Variants in EPS15 observed in about 807,000 individuals in gnomAD.
EPS15 encodes the protein epidermal growth factor receptor substrate 15.
In EPS15, 72 loss-of-function variants were observed where a neutral mutation model predicts 113.8. The ratio of observed to expected loss-of-function variants is 0.63; its 90% CI spans 0.52 to 0.77. The LOEUF (loss-of-function observed/expected upper bound fraction) is 0.77, where lower values mean the gene tolerates loss of function less well. Among genes scored for constraint, EPS15 ranks in the 30% least tolerant of loss-of-function variants. EPS15 has a pLI of 0.00. For synonymous variants in EPS15, 344 were observed against 363.4 expected (o/e 0.95, Z 0.61); for missense variants, 1,048 against 1,045.8 (o/e 1.00, Z -0.03).
Position 51,519,247 on chromosome 1 carries a change from C to T in EPS15, c.-16G>A, listed in dbSNP as rs1644797696. ...CCGCAGCCATGGTGTTTCCATCATG[C>T]AAGGGAGGGGAAGGAAGACGGGCTG... is the stretch of plus-strand genomic sequence containing the variant. On this transcript the variant is annotated 5_prime_UTR_variant, in exon 1 of 25. Transcript: ENST00000371733. The T allele has an allele frequency of 8.0e-7, 1 of 1,249,778 alleles. No homozygotes were observed. The highest frequency in any genetic ancestry group is 1.0e-6 in the Non-Finnish European group (1 of 974,932). 77.4% of individuals were successfully genotyped at this position (1,249,778 alleles called of 1,614,324 possible). A position where few individuals can be genotyped will look rare whatever the true frequency, so the allele number is the denominator to read the frequency against.
chr1:51,365,567 G>C (rs1258151772), intron 22 of EPS15, among the ~76,000 whole-genome samples: 1 of 152,096 alleles, frequency 6.6e-6, no homozygotes, highest in Non-Finnish European at 1.5e-5. Flanking sequence ...AACAACCTCA[G>C]AACATAAAAT....
intron 21 of EPS15, among the ~76,000 whole-genome samples, chr1:51,385,248 T>C (rs1463302501): frequency 6.6e-6 from 1 of 152,116 alleles, no homozygotes; most frequent in Admixed American, 6.5e-5. Flanking sequence ...GATTTAGAAA[T>C]GGGCAGAGGA....
At chr1:51,400,538 TA>T (rs1444950986) in intron 19 of EPS15, among the ~76,000 whole-genome samples, 1 of 147,124 alleles carries the variant, frequency 6.8e-6, no homozygotes. Flanking sequence ...CTACAAAAAA[TA>T]AAAAAAAATC....
At chr1:51,516,944 T>A (rs192937595) in intron 1 of EPS15, among the ~76,000 whole-genome samples, 1 of 152,264 alleles carries the variant, frequency 6.6e-6, no homozygotes, top group East Asian at 1.9e-4. Flanking sequence ...TGCCTATGTC[T>A]AAATGTGTGT....
At chr1:51,451,434 T>C (rs1653544535) in intron 8 of EPS15, among the ~76,000 whole-genome samples, 1 of 134,470 alleles carries the variant, frequency 7.4e-6, no homozygotes, top group Admixed American at 8.7e-5. Context: ...GAGACTGCAA[T>C]GACCTGAGAT....
intron 1 of EPS15, among the ~76,000 whole-genome samples, chr1:51,503,006 CAA>C (rs56340331): frequency 3.4e-4 from 23 of 67,382 alleles, no homozygotes; most frequent in Admixed American, 8.9e-4. Flanking sequence ...GACTCTGTCT[CAA>C]AAAAAAAAAA....
At position 51,475,386 on chromosome 1, in the gene EPS15, T is replaced by C. The variant is rs1297939953; in HGVS notation, c.76-2438A>G. On this transcript the variant is annotated intron_variant, in intron 2 of 24. Coordinates refer to ENST00000371733, the MANE Select transcript of EPS15 (RefSeq NM_001981.3). The stretch of plus-strand genomic sequence containing the variant: ...GATCGCCATTCTAACTGGTGTGAGA[T>C]GGTATCTCACTGTGGGTTTTATTTG... Among the ~76,000 whole-genome samples the C allele has an allele frequency of 5.9e-5, 9 of 152,218 alleles. No homozygotes were observed. The South Asian group carries it at 6.2e-4, about 10-fold the overall frequency.
At position 51,446,359 on chromosome 1, in the gene EPS15, G is replaced by A. The variant is rs193301535; in HGVS notation, c.797+601C>T. On this transcript the variant is annotated intron_variant, in intron 10 of 24. Transcript: ENST00000371733. The stretch of plus-strand genomic sequence containing the variant: ...TGTTTTTTACATTGTTTAAATTTCA[G>A]ATATCTGGATTCTCTCTGAAAATTT... Among the ~76,000 whole-genome samples, 6 of 151,860 alleles carry A rather than the reference G, an allele frequency of 4.0e-5. No individual in the cohort carries two copies. The East Asian group carries it at 1.2e-3, about 29-fold the overall frequency.
chr1:51,438,442 A>C (rs1311196037), intron 12 of EPS15, among the ~76,000 whole-genome samples: 3 of 152,222 alleles, frequency 2.0e-5, no homozygotes, highest in Non-Finnish European at 4.4e-5. Context: ...TGTTTTCAAC[A>C]GTAAGAGCAT....
intron 1 of EPS15, among the ~76,000 whole-genome samples, chr1:51,518,864 T>C (rs1003546046): frequency 6.6e-6 from 1 of 151,082 alleles, no homozygotes; most frequent in African/African-American, 2.4e-5. Flanking sequence ...CCTGGGTAGG[T>C]GAAAGCTGCC....
At chr1:51,488,069 T>C (rs1644157909) in intron 1 of EPS15, among the ~76,000 whole-genome samples, 1 of 152,198 alleles carries the variant, frequency 6.6e-6, no homozygotes, top group Non-Finnish European at 1.5e-5. Flanking sequence ...TTCTTCTTCA[T>C]ACTACTCTGC....
chr1:51,384,476 T>A (rs2148387435), intron 21 of EPS15, among the ~76,000 whole-genome samples: 1 of 151,892 alleles, frequency 6.6e-6, no homozygotes, highest in East Asian at 1.9e-4. Flanking sequence ...AATTTTTGCA[T>A]TTTTTTGTAG....
intron 12 of EPS15, 150 bp from the exon 13 acceptor site, chr1:51,422,008 A>T (rs1446747245): frequency 3.2e-5 from 42 of 1,314,778 alleles, no homozygotes; most frequent in Non-Finnish European, 1.8e-5. Context: ...CCCTCTTTCA[A>T]TTATTTATGA....
intron 14 of EPS15, 85 bp downstream of exon 14, chr1:51,409,450 A>T (rs988792816): frequency 1.7e-5 from 22 of 1,328,812 alleles, no homozygotes; most frequent in African/African-American, 4.4e-5. Flanking sequence ...ACCATCAATA[A>T]CAAAAAGTAG....
intron 13 of EPS15, among the ~76,000 whole-genome samples, chr1:51,416,285 T>C (rs1322714742): frequency 6.6e-6 from 1 of 152,150 alleles, no homozygotes; most frequent in Non-Finnish European, 1.5e-5. Context: ...ACAGAAGACA[T>C]TTGCAGATGC....
chr1:51,500,011 G>C (rs1163149087), intron 1 of EPS15, among the ~76,000 whole-genome samples: 1 of 152,128 alleles, frequency 6.6e-6, no homozygotes, highest in Non-Finnish European at 1.5e-5. Context: ...ATTTGACTAT[G>C]CTAGTTACCA....
intron 11 of EPS15, among the ~76,000 whole-genome samples, chr1:51,441,047 T>C (rs1652559446): frequency 6.6e-6 from 1 of 152,066 alleles, no homozygotes; most frequent in Admixed American, 6.6e-5. Context: ...CTTTCAACAA[T>C]GAAGGTTACA....
intron 11 of EPS15, among the ~76,000 whole-genome samples, 176 bp from the exon 12 acceptor site, chr1:51,440,608 TTA>T (rs1441420468): frequency 7.2e-5 from 11 of 151,980 alleles, no homozygotes; most frequent in Non-Finnish European, 1.5e-4. Context: ...TTATACTTAA[TTA>T]TATAGTAAGA....
intron 11 of EPS15, among the ~76,000 whole-genome samples, chr1:51,444,289 A>G (rs1443063626): frequency 6.6e-6 from 1 of 152,226 alleles, no homozygotes; most frequent in Non-Finnish European, 1.5e-5. Context: ...GGCATGACTA[A>G]AACAATGAAG....
Sources: allele counts gnomAD v4.1 joint callset (sites outside exome capture counted in the v4.1 genomes callset), GRCh38; gene constraint gnomAD v4.1.1; transcripts MANE v1.5; gene names NCBI Gene and HGNC (gene_info 2026-07-23, HGNC 2026-07-21).